UGT1A8: variants seen among roughly 807,000 people sequenced by gnomAD.
The protein encoded by UGT1A8 is UDP-glucuronosyltransferase 1A8.
In UGT1A8, 39 loss-of-function variants were observed where a neutral mutation model predicts 45.3. That is an observed-to-expected ratio of 0.86 (90% CI 0.67 to 1.12). The LOEUF (loss-of-function observed/expected upper bound fraction) is 1.12. UGT1A8 is among the 50% of genes most tolerant of loss of function. The pLI is 0.00. For missense variants in UGT1A8, 719 were observed against 664.9 expected (o/e 1.08, Z -0.90); for synonymous variants, 275 against 249.2 (o/e 1.10, Z -0.97).
intron 1 of UGT1A8, among the ~76,000 whole-genome samples, chr2:233,669,779 G>A (rs2074145421): frequency 6.6e-6 from 1 of 152,140 alleles, no homozygotes; most frequent in South Asian, 2.1e-4. Flanking sequence ...CGCTTCCCGG[G>A]TTCAAGTGAT....
rs144416943 is a variant in UGT1A8, at chr2:233,751,718, G to A, written c.856-15316G>A. 2.1e-3 allele frequency among the ~76,000 whole-genome samples: 324 copies of A among 152,254 alleles called. 2 individuals carry two copies. The highest frequency in any genetic ancestry group is 7.5e-3 in the African/African-American group (310 of 41,552). ...GGGGCTCTTCCTCCTTCACTCACAA[G>A]TGAACTCTTCCTCTCTGTTTCTCTC... On this transcript the variant is annotated intron_variant, in intron 1 of 4. Transcript: ENST00000373450.
chr2:233,619,155 A>G (rs1489136613), intron 1 of UGT1A8, among the ~76,000 whole-genome samples: 2 of 152,082 alleles, frequency 1.3e-5, no homozygotes, highest in Non-Finnish European at 2.9e-5. Flanking sequence ...AAATTCTCAT[A>G]CCTATTTTGT....
intron 2 of UGT1A8, 81 bp from the exon 3 acceptor site, chr2:233,767,768 G>T: frequency 6.2e-7 from 1 of 1,610,138 alleles, no homozygotes. Context: ...GAGGACCCCT[G>T]TTTTCTAGTT....
intron 1 of UGT1A8, among the ~76,000 whole-genome samples, chr2:233,626,629 A>G (rs1347701378): frequency 2.6e-5 from 4 of 152,058 alleles, no homozygotes; most frequent in African/African-American, 9.7e-5. Flanking sequence ...CAACAATGGC[A>G]TCTTCAATGG....
intron 1 of UGT1A8, chr2:233,692,952 G>A (rs1328782904): frequency 6.2e-7 from 1 of 1,605,070 alleles, no homozygotes; most frequent in African/African-American, 1.3e-5. Context: ...GGAGCCCTGT[G>A]ATTTGGAGAG....
chr2:233,755,236 G>A (rs1242283792), intron 1 of UGT1A8: 7 of 905,796 alleles, frequency 7.7e-6, no homozygotes, highest in East Asian at 5.0e-5. Context: ...GAGGCCTACC[G>A]GGGTACTCCC....
intron 1 of UGT1A8, chr2:233,747,824 CAT>C: frequency 6.2e-7 from 1 of 1,613,548 alleles, no homozygotes; most frequent in Non-Finnish European, 8.5e-7. Context: ...ATTCAGACCA[CAT>C]GACATTCCTG....
At chr2:233,682,181 A>G (rs933713283) in intron 1 of UGT1A8, 1 of 1,613,844 alleles carries the variant, frequency 6.2e-7, no homozygotes, top group East Asian at 2.2e-5. Flanking sequence ...AACCTCATAC[A>G]CTCTGGAGGA....
chr2:233,750,021 A>C (rs894423402), intron 1 of UGT1A8, among the ~76,000 whole-genome samples: 1 of 151,886 alleles, frequency 6.6e-6, no homozygotes, highest in African/African-American at 2.4e-5. Context: ...AGAGTGGAGT[A>C]CTGCTATAAA....
At chr2:233,712,005 A>G (rs770436116) in intron 1 of UGT1A8, among the ~76,000 whole-genome samples, 1 of 152,208 alleles carries the variant, frequency 6.6e-6, no homozygotes, top group Non-Finnish European at 1.5e-5. Context: ...TTCTGGAGGA[A>G]CCATTCTTAT....
chr2:233,670,710 T>C (rs1381980386), intron 1 of UGT1A8, among the ~76,000 whole-genome samples: 1 of 152,200 alleles, frequency 6.6e-6, no homozygotes, highest in African/African-American at 2.4e-5. Context: ...CTTTTGTTGC[T>C]GAATTAGAGA....
intron 1 of UGT1A8, among the ~76,000 whole-genome samples, chr2:233,732,565 C>G (rs891048525): frequency 2.0e-5 from 3 of 152,178 alleles, no homozygotes; most frequent in African/African-American, 7.2e-5. Context: ...AATAAGGAAT[C>G]CTTTCCCCAT....
At position 233,618,148 on chromosome 2, in the gene UGT1A8, T is replaced by G. The variant is rs1042591; in HGVS notation, c.441T>G (p.Leu147=). The G allele has an allele frequency of 0.015, 23,485 of 1,614,120 alleles. 217 individuals carry two copies. The highest frequency in any genetic ancestry group is 0.022 in the Middle Eastern group (133 of 6,058). The part of the protein sequence containing the change: ...LKESSFDAVF[L]DPFDACGLIV... ...AGAGTTCTTTTGATGCGGTGTTTCT[T>G]GATCCTTTTGATGCCTGTGGCTTAA... The change falls in exon 1 of 5, where the codon CTT becomes CTG. Residue 147 remains leucine, a synonymous_variant. Transcript: ENST00000373450.
rs988153178 is a variant in UGT1A8, at chr2:233,772,888, GTGGTCCCACGGC to G, written c.*332_*343del. ...CTGTTTGGGAGTGCGGGATTCAAAG[GTGGTCCCACGGC>G]TGCCCCTACTGCAAATGGCAGTTTT... On this transcript the variant is annotated 3_prime_UTR_variant, in exon 5 of 5. Coordinates refer to ENST00000373450, the MANE Select transcript of UGT1A8 (RefSeq NM_019076.5). The G allele has an allele frequency of 1.9e-6, 1 of 534,950 alleles. No individual in the cohort carries two copies. The highest frequency in any genetic ancestry group is 1.9e-5 in the African/African-American group (1 of 51,616). 33.1% of individuals were successfully genotyped at this position (534,950 alleles called of 1,614,324 possible).
chr2:233,748,973 C>T (rs1032988654), intron 1 of UGT1A8, among the ~76,000 whole-genome samples: 3 of 151,678 alleles, frequency 2.0e-5, no homozygotes, highest in African/African-American at 7.3e-5. Flanking sequence ...ATAGTGGGAT[C>T]TACTTCTTTA....
chr2:233,745,687 G>A (rs1693175005), intron 1 of UGT1A8, among the ~76,000 whole-genome samples: 1 of 150,802 alleles, frequency 6.6e-6, no homozygotes, highest in Non-Finnish European at 1.5e-5. Context: ...ATCAAAGCAA[G>A]TTTGGAGAAC....
chr2:233,648,253 T>A, intron 1 of UGT1A8: 3 of 609,636 alleles, frequency 4.9e-6, no homozygotes, highest in Non-Finnish European at 8.6e-6. Context: ...AAAGGAGAGT[T>A]CTTTTGATGC....
chr2:233,724,474 C>G, intron 1 of UGT1A8, among the ~76,000 whole-genome samples: 1 of 78,814 alleles, frequency 1.3e-5, no homozygotes, highest in East Asian at 2.8e-4. Flanking sequence ...GGGCTCCTCA[C>G]TTCTCAGACG....
At position 233,666,607 on chromosome 2, in the gene UGT1A8, T is replaced by A. The variant is rs541591900; in HGVS notation, c.855+48045T>A. ...TTTACCAGTCTGTAGATGTTTTTTT[T>A]AAAGTAAACTCTTTTTGTTTGTTTG... On this transcript the variant is annotated intron_variant, in intron 1 of 4. Coordinates refer to ENST00000373450, the MANE Select transcript of UGT1A8 (RefSeq NM_019076.5). Among the ~76,000 whole-genome samples, 7 of 152,304 alleles carry A rather than the reference T, an allele frequency of 4.6e-5. 1 individual carries two copies. In the South Asian group the frequency reaches 1.5e-3, roughly 32 times the overall value.
Sources: allele counts gnomAD v4.1 joint callset (sites outside exome capture counted in the v4.1 genomes callset), GRCh38; gene constraint gnomAD v4.1.1; transcripts MANE v1.5; gene names NCBI Gene and HGNC (gene_info 2026-07-23, HGNC 2026-07-21).